JAG2: variants seen among roughly 807,000 people sequenced by gnomAD.
JAG2 encodes jagged canonical Notch ligand 2.
A neutral mutation model predicts 141.7 loss-of-function variants in JAG2; 46 were observed. The observed-to-expected ratio is 0.32, with a 90% CI of 0.26 to 0.42. The LOEUF is 0.42. JAG2 is among the 10% of genes least tolerant of loss of function. The pLI, the probability that JAG2 is intolerant of heterozygous loss-of-function variation, is 1.00. For missense variants in JAG2, 1,500 were observed against 1,817.5 expected, an observed-to-expected ratio of 0.83 and a Z score of 3.18; for synonymous variants, 862 against 763.5, an observed-to-expected ratio of 1.13 and a Z score of -2.13.
chr14:105,149,565 G>C (rs1052369663), intron 12 of JAG2, among the ~76,000 whole-genome samples: 1 of 151,826 alleles, frequency 6.6e-6, no homozygotes, highest in Non-Finnish European at 1.5e-5. Flanking sequence ...ACTGTCCCTC[G>C]GGAGGAGTGT....
chr14:105,168,198 C>G (rs1320468596), intron 1 of JAG2, 91 bp from the exon 2 acceptor site: 4 of 1,107,388 alleles, frequency 3.6e-6, no homozygotes, highest in Non-Finnish European at 4.5e-6. Context: ...CCCGCCGCCC[C>G]GCCCCCACCC....
At chr14:105,146,322 A>G in intron 22 of JAG2, 63 bp downstream of exon 22, 2 of 1,383,992 alleles carry the variant, frequency 1.4e-6, no homozygotes, top group Non-Finnish European at 2.1e-6. Context: ...GATCTCACAG[A>G]GTGGCCAGGG....
chr14:105,166,607 T>TGAGGATGGGGGCAGCAGGC (rs1325303492), intron 2 of JAG2, among the ~76,000 whole-genome samples: 2 of 151,858 alleles, frequency 1.3e-5, no homozygotes, highest in Non-Finnish European at 2.9e-5. Context: ...CAGGAAGCGG[T>TGAGGATGGGGGCAGCAGGC]GAGGATGGGG....
intron 2 of JAG2, among the ~76,000 whole-genome samples, chr14:105,162,941 A>G (rs959273348): frequency 1.3e-5 from 2 of 151,786 alleles, no homozygotes; most frequent in African/African-American, 4.8e-5. Context: ...CAGCATCCCA[A>G]AACTCAGGCA....
chr14:105,150,539 G>T, intron 12 of JAG2, 65 bp downstream of exon 12: 1 of 1,469,110 alleles, frequency 6.8e-7, no homozygotes, highest in East Asian at 2.5e-5. Context: ...CCATGGTCAG[G>T]GGACGAGGCC....
At chr14:105,145,683 A>T (rs756246795) in intron 23 of JAG2, 48 bp downstream of exon 23, 1 of 1,559,586 alleles carries the variant, frequency 6.4e-7, no homozygotes, top group Admixed American at 1.9e-5. Context: ...CCACGAGCAG[A>T]TGCCGGCGTG....
At chr14:105,156,232 G>T (rs752883629) in intron 3 of JAG2, among the ~76,000 whole-genome samples, 3 of 152,194 alleles carry the variant, frequency 2.0e-5, no homozygotes, top group Non-Finnish European at 4.4e-5. Flanking sequence ...GGGTCGGGGG[G>T]CCCGGCTAGG....
intron 9 of JAG2, 66 bp downstream of exon 9, chr14:105,151,217 G>A (rs1222279873): frequency 2.4e-5 from 36 of 1,502,190 alleles, no homozygotes; most frequent in Non-Finnish European, 3.2e-5. Flanking sequence ...AGCCCCCGCA[G>A]CCCCAGCAGC....
At chr14:105,158,380 G>T (rs1322359367) in intron 2 of JAG2, among the ~76,000 whole-genome samples, 2 of 152,128 alleles carry the variant, frequency 1.3e-5, no homozygotes, top group Non-Finnish European at 2.9e-5. Context: ...TGGCAGGAGG[G>T]GCCCTTGCGG....
chr14:105,147,992 A>G, intron 17 of JAG2, 104 bp from the exon 18 acceptor site: 1 of 1,106,286 alleles, frequency 9.0e-7, no homozygotes, highest in Non-Finnish European at 1.3e-6. Flanking sequence ...ACCCGGGGGC[A>G]GGGGGCAGGG....
chr14:105,148,074 G>T (rs1403995925), intron 17 of JAG2, 42 bp downstream of exon 17: 1 of 1,470,154 alleles, frequency 6.8e-7, no homozygotes, highest in Non-Finnish European at 9.3e-7. Flanking sequence ...TGCCTGGGAG[G>T]GCATATGCCC....
chr14:105,152,804 T>C (rs1595180556), intron 5 of JAG2, among the ~76,000 whole-genome samples: 1 of 152,070 alleles, frequency 6.6e-6, no homozygotes, highest in East Asian at 1.9e-4. Flanking sequence ...GGTACCCATC[T>C]CACAGATGGG....
At position 105,145,987 on chromosome 14, in the gene JAG2, C is replaced by A; in HGVS notation, c.2710-14G>T. The A allele has an allele frequency of 6.3e-7, 1 of 1,592,286 alleles. No homozygotes were observed. Among genetic ancestry groups the A allele is most frequent in the Non-Finnish European group, 8.5e-7 (1 of 1,172,052 alleles). Reference sequence around the variant, plus strand: ...TCCGCACCACACCTGGGCAGGCACGCACAGGAGGGTCAGGCGCAGGCGCAC... The same window carrying A: ...TCCGCACCACACCTGGGCAGGCACGAACAGGAGGGTCAGGCGCAGGCGCAC... On this transcript the variant is annotated splice_polypyrimidine_tract_variant and intron_variant, in intron 22 of 25. Coordinates refer to ENST00000331782, the MANE Select transcript of JAG2 (RefSeq NM_002226.5).
Position 105,142,899 on chromosome 14 carries a change from G to C in JAG2, c.3513C>G (p.His1171Gln), listed in dbSNP as rs776830367. The C allele has an allele frequency of 1.9e-6, 3 of 1,601,970 alleles. No homozygotes were observed. The highest frequency in any genetic ancestry group is 1.7e-5 in the Admixed American group (1 of 58,646). Reference sequence around the variant, plus strand: ...CCTCCTCATCCTCCCTGACGGCCGCGTGGCCGGCCGGCCCGGGCAGCGCCT... The same window carrying C: ...CCTCCTCATCCTCCCTGACGGCCGCCTGGCCGGCCGGCCCGGGCAGCGCCT... ...ADEALPGPAGHAAVREDEEDE... is the reference protein window; with the variant it reads ...ADEALPGPAGQAAVREDEEDE... The change falls in exon 26 of 26, where the codon CAC (histidine) becomes CAG (glutamine). Residue 1171 changes from histidine (H) to glutamine (Q), a missense_variant. By Grantham distance (24) the His-to-Gln change is conservative. Coordinates refer to ENST00000331782, the MANE Select transcript of JAG2 (RefSeq NM_002226.5).
chr14:105,156,918 A>G (rs1595183766), intron 3 of JAG2, among the ~76,000 whole-genome samples: 2 of 151,012 alleles, frequency 1.3e-5, no homozygotes, highest in African/African-American at 4.9e-5. Context: ...GGGCACCCCC[A>G]CCGCCGTCCC....
intron 18 of JAG2, 77 bp downstream of exon 18, chr14:105,147,695 C>CGAG (rs1888269880): frequency 9.9e-6 from 11 of 1,116,428 alleles, no homozygotes; most frequent in Non-Finnish European, 1.3e-5. Flanking sequence ...GCAGAAGGGA[C>CGAG]TGGGGGGCGA....
chr14:105,154,596 G>A lies in JAG2; in HGVS notation c.788+966C>T, dbSNP rs587639409. On this transcript the variant is annotated intron_variant, in intron 5 of 25. Coordinates refer to ENST00000331782, the MANE Select transcript of JAG2 (RefSeq NM_002226.5). This position sits in a 1 kb window ranked among gnomAD's most constrained non-coding sequence, Gnocchi z 4.4. ...CGGACACTCCCTTGTGGAGGCCCTTGCTGACTCCTCATCCATCCGCCCTGA... is the reference window on the plus strand; with the variant it reads ...CGGACACTCCCTTGTGGAGGCCCTTACTGACTCCTCATCCATCCGCCCTGA... Among the ~76,000 whole-genome samples the A allele has an allele frequency of 1.3e-5, 2 of 152,258 alleles. No homozygotes were observed. The highest frequency in any genetic ancestry group is 4.1e-4 in the South Asian group (2 of 4,826).
chr14:105,143,691 C>A, intron 24 of JAG2, 53 bp from the exon 25 acceptor site: 2 of 1,590,178 alleles, frequency 1.3e-6, no homozygotes, highest in South Asian at 2.2e-5. Context: ...AGGCTCCCAG[C>A]AGCCTGCCCC....
chr14:105,144,610 A>T (rs920097464), intron 24 of JAG2, among the ~76,000 whole-genome samples: 1 of 152,188 alleles, frequency 6.6e-6, no homozygotes, highest in African/African-American at 2.4e-5. Flanking sequence ...CTCCCAGGGC[A>T]GACTAAGCCC....
Sources: gnomAD v4.1 joint callset for allele counts (sites outside exome capture counted in the v4.1 genomes callset) on GRCh38, gnomAD v4.1.1 for gene constraint, Gnocchi (gnomAD v3.1) non-coding constraint, MANE v1.5 for transcripts, NCBI Gene and HGNC (gene_info 2026-07-23, HGNC 2026-07-21) for gene names.